The following PPP2CB variants were observed in gnomAD, a reference collection of about 807,000 sequenced individuals.
PPP2CB encodes the protein serine/threonine-protein phosphatase 2A catalytic subunit beta isoform.
In PPP2CB, 18 loss-of-function variants were observed where a neutral mutation model predicts 39.1. The observed-to-expected ratio is 0.46, with a 90% confidence interval of 0.32 to 0.68. The LOEUF (loss-of-function observed/expected upper bound fraction) is 0.68, where lower values mean the gene tolerates loss of function less well. PPP2CB is among the 30% of genes least tolerant of loss of function. The pLI is 0.04. For missense variants in PPP2CB, 226 were observed against 396.9 expected, an observed-to-expected ratio of 0.57 and a Z score of 3.66; for synonymous variants, 129 against 133.8, an observed-to-expected ratio of 0.96 and a Z score of 0.25.
chr8:30,794,707 A>T (rs1806490978), intron 3 of PPP2CB, among the ~76,000 whole-genome samples: 1 of 152,026 alleles, frequency 6.6e-6, no homozygotes, highest in Admixed American at 6.6e-5. Flanking sequence ...GGCCCAAGCA[A>T]TCCTCCTGCC....
At chr8:30,788,732 G>A (rs978355123) in intron 6 of PPP2CB, among the ~76,000 whole-genome samples, 1 of 152,246 alleles carries the variant, frequency 6.6e-6, no homozygotes, top group Non-Finnish European at 1.5e-5. Context: ...TATACAGTCA[G>A]TTTACAGTGT....
chr8:30,800,794 C>T (rs950029235), intron 1 of PPP2CB, among the ~76,000 whole-genome samples: 22 of 152,160 alleles, frequency 1.4e-4, no homozygotes, highest in Admixed American at 2.6e-4. Flanking sequence ...AGCTATTTAC[C>T]GAGTTTCCAG....
At chr8:30,811,786 G>A (rs540378075) in intron 1 of PPP2CB, among the ~76,000 whole-genome samples, 4 of 152,218 alleles carry the variant, frequency 2.6e-5, no homozygotes, top group African/African-American at 9.6e-5. Flanking sequence ...ACAGGCGTGA[G>A]CCACCACGCC....
chr8:30,811,076 G>A (rs548882934), intron 1 of PPP2CB, among the ~76,000 whole-genome samples: 3 of 152,192 alleles, frequency 2.0e-5, no homozygotes, highest in Non-Finnish European at 4.4e-5. Flanking sequence ...TGTAAAGGAT[G>A]AATGTGGACA....
In PPP2CB at chr8:30,786,065, A is replaced by T; in HGVS notation, c.*170T>A. 2 of 702,588 alleles carry T rather than the reference A, an allele frequency of 2.8e-6. No homozygotes were observed. Among genetic ancestry groups the T allele is most frequent in the East Asian group, 5.5e-5 (2 of 36,422 alleles). 43.5% of individuals were successfully genotyped at this position (702,588 alleles called of 1,614,324 possible). A position where few individuals can be genotyped will look rare whatever the true frequency, so the allele number is the denominator to read the frequency against. The stretch of plus-strand genomic sequence containing the variant: ...AAATTTCAGTCTCAAATTGTGCTAA[A>T]TGCTCATCATTAGTATGGCACATTT... On this transcript the variant is annotated 3_prime_UTR_variant, in exon 7 of 7. Transcript: ENST00000221138.
chr8:30,807,523 A>C (rs1193820989), intron 1 of PPP2CB, among the ~76,000 whole-genome samples: 1 of 152,250 alleles, frequency 6.6e-6, no homozygotes, highest in Admixed American at 6.5e-5. Context: ...ATACTTCTAC[A>C]CAAGCCTCGA....
In PPP2CB at chr8:30,793,577, C is replaced by G. The variant is rs1196602112; in HGVS notation, c.738+340G>C. ...GGAGTATCTGTCTGCAACAGATATT[C>G]AAATGGTTCAGAAGAAAGTGTGAGG... On this transcript the variant is annotated intron_variant, in intron 5 of 6. Coordinates refer to ENST00000221138, the MANE Select transcript of PPP2CB (RefSeq NM_001009552.2). 4 of 184,106 alleles carry G rather than the reference C, an allele frequency of 2.2e-5. No homozygotes were observed. The East Asian group carries it at 5.5e-4, about 25-fold the overall frequency. The allele number at this position is 184,106 out of a possible 1,614,324, so 11.4% of individuals were successfully genotyped here.
chr8:30,803,839 C>T lies in PPP2CB; in HGVS notation c.103-4084G>A, dbSNP rs566257295. Among the ~76,000 whole-genome samples, 394 of 147,274 alleles carry T rather than the reference C, an allele frequency of 2.7e-3. 3 individuals carry two copies. The highest frequency in any genetic ancestry group is 8.8e-3 in the African/African-American group (350 of 39,592). ...ATACAATTTTTTTTTTTTTTTGAGACGGAGTCCTGCTCTGTCGTCCAGGCT... is the reference window on the plus strand; with the variant it reads ...ATACAATTTTTTTTTTTTTTTGAGATGGAGTCCTGCTCTGTCGTCCAGGCT... On this transcript the variant is annotated intron_variant, in intron 1 of 6. Transcript: ENST00000221138.
rs188731087 is a variant in PPP2CB at position 30,797,574 on chromosome 8, T to C, written c.486+7A>G. 1.5e-4 allele frequency: 244 copies of C among 1,608,700 alleles called. No homozygotes were observed. The African/African-American group carries it at 2.3e-3, about 15-fold the overall frequency. On this transcript the variant is annotated splice_region_variant and intron_variant, in intron 3 of 6. Transcript: ENST00000221138. Reference sequence around the variant, plus strand: ...TCCTCCCAAGATGTAAGCACACATATACATACCTGTCCATCTACTAAAGCT... The same window carrying C: ...TCCTCCCAAGATGTAAGCACACATACACATACCTGTCCATCTACTAAAGCT...
At chr8:30,787,988 T>C (rs1806371569) in intron 6 of PPP2CB, among the ~76,000 whole-genome samples, 3 of 152,220 alleles carry the variant, frequency 2.0e-5, no homozygotes, top group Admixed American at 2.0e-4. Context: ...TATAGTTATT[T>C]ATTGTATTCC....
intron 1 of PPP2CB, among the ~76,000 whole-genome samples, chr8:30,804,119 T>C (rs1026226522): frequency 3.3e-5 from 5 of 152,098 alleles, no homozygotes; most frequent in Admixed American, 6.6e-5. Context: ...CTGTGCCCAG[T>C]TGACAAAATA....
intron 1 of PPP2CB, among the ~76,000 whole-genome samples, chr8:30,800,192 C>T (rs1438260466): frequency 6.6e-6 from 1 of 152,176 alleles, no homozygotes; most frequent in Non-Finnish European, 1.5e-5. Context: ...ATAACATATT[C>T]ATACAATGGA....
rs1806868554 is a variant in PPP2CB at position 30,812,784 on chromosome 8, ACCGGCCTCTC to A, written c.-373_-364del. ...GCCGCTTCAGGCCCGCCTCACGCCT[ACCGGCCTCTC>A]CCGACTTGTCTTTCCCCTTCTCTCG... On this transcript the variant is annotated 5_prime_UTR_variant, in exon 1 of 7. Transcript: ENST00000221138. 1 of 465,230 alleles carries A rather than the reference ACCGGCCTCTC, an allele frequency of 2.1e-6. No individual in the cohort carries two copies. Among genetic ancestry groups the A allele is most frequent in the Non-Finnish European group, 4.3e-6 (1 of 232,744 alleles). 28.8% of individuals were successfully genotyped at this position (465,230 alleles called of 1,614,324 possible).
intron 3 of PPP2CB, among the ~76,000 whole-genome samples, chr8:30,797,060 G>C (rs919165114): frequency 4.6e-5 from 7 of 151,980 alleles, no homozygotes; most frequent in Admixed American, 2.6e-4. Context: ...CATTGCCCAG[G>C]CTGGTCTTGA....
At chr8:30,804,421 C>T (rs1472120743) in intron 1 of PPP2CB, among the ~76,000 whole-genome samples, 2 of 152,158 alleles carry the variant, frequency 1.3e-5, no homozygotes, top group Admixed American at 6.5e-5. Flanking sequence ...ATGTGACTCA[C>T]GATGCGGACT....
At chr8:30,791,023 A>G (rs1210338194) in intron 6 of PPP2CB, 174 bp downstream of exon 6, 2 of 530,894 alleles carry the variant, frequency 3.8e-6, no homozygotes, top group Admixed American at 3.8e-5. Flanking sequence ...GACAATTTCC[A>G]AAAGCTTTGA....
intron 6 of PPP2CB, among the ~76,000 whole-genome samples, chr8:30,789,180 G>A (rs1563574637): frequency 1.3e-5 from 2 of 151,902 alleles, no homozygotes; most frequent in African/African-American, 4.8e-5. Flanking sequence ...ACAGGCATGC[G>A]CCACCACACC....
At position 30,812,481 on chromosome 8, in the gene PPP2CB, CCA is replaced by C; in HGVS notation, c.-62_-61del. The C allele has an allele frequency of 7.8e-7, 1 of 1,280,150 alleles. No individual in the cohort carries two copies. Among genetic ancestry groups the C allele is most frequent in the Non-Finnish European group, 1.0e-6 (1 of 959,400 alleles). The allele number at this position is 1,280,150 out of a possible 1,614,324, so 79.3% of individuals were successfully genotyped here. A position where few individuals can be genotyped will look rare whatever the true frequency, so the allele number is the denominator to read the frequency against. Reference sequence around the variant, plus strand: ...GCCCGGCCGCCGCCCTCCCCCCTCCCCACCCGCCCCCGGCCCCGGCCCGGGCG... The same window carrying C: ...GCCCGGCCGCCGCCCTCCCCCCTCCCCCCGCCCCCGGCCCCGGCCCGGGCG... On this transcript the variant is annotated 5_prime_UTR_variant, in exon 1 of 7. Coordinates refer to ENST00000221138, the MANE Select transcript of PPP2CB (RefSeq NM_001009552.2).
intron 1 of PPP2CB, among the ~76,000 whole-genome samples, chr8:30,806,335 C>T (rs921418065): frequency 2.0e-5 from 3 of 151,938 alleles, no homozygotes; most frequent in East Asian, 1.9e-4. Flanking sequence ...ATTACAGGCG[C>T]GAACCACCAT....
Sources: gnomAD v4.1 joint callset for allele counts (sites outside exome capture counted in the v4.1 genomes callset) on GRCh38, gnomAD v4.1.1 for gene constraint, MANE v1.5 for transcripts, NCBI Gene and HGNC (gene_info 2026-07-23, HGNC 2026-07-21) for gene names.